The following COL24A1 variants were observed in gnomAD, a reference collection of about 807,000 sequenced individuals.
COL24A1 encodes the protein collagen type XXIV alpha 1 chain.
COL24A1 carries 224 observed loss-of-function variants against 253.9 expected under a neutral mutation model. The observed-to-expected ratio is 0.88, with a 90% CI of 0.79 to 0.99. The LOEUF is 0.99. Among genes scored for constraint, COL24A1 ranks in the 50% least tolerant of loss-of-function variants. The pLI is 0.00. For synonymous variants in COL24A1, 685 were observed against 673.7 expected (o/e 1.02, Z -0.26); for missense variants, 2,131 against 2,068.5 (o/e 1.03, Z -0.59).
chr1:85,813,761 C>T lies in COL24A1; in HGVS notation c.3951+3027G>A, dbSNP rs573516793. On this transcript the variant is annotated intron_variant, in intron 47 of 59. Transcript: ENST00000370571. Reference sequence around the variant, plus strand: ...AGAGACGGGGTTTCACCGTTTTAGCCGGGATGGTCTCGATCTCCTGACCTC... The same window carrying T: ...AGAGACGGGGTTTCACCGTTTTAGCTGGGATGGTCTCGATCTCCTGACCTC... Among the ~76,000 whole-genome samples the T allele has an allele frequency of 7.9e-5, 12 of 151,666 alleles. No individual in the cohort carries two copies. In the South Asian group the frequency reaches 1.3e-3, roughly 16 times the overall value.
At chr1:86,083,215 G>A (rs991151101) in intron 7 of COL24A1, among the ~76,000 whole-genome samples, 21 of 151,796 alleles carry the variant, frequency 1.4e-4, no homozygotes, top group East Asian at 1.9e-4. Flanking sequence ...GGAAAATGGC[G>A]TGAACTCAGA....
chr1:85,980,702 A>G (rs1693168651), intron 20 of COL24A1, among the ~76,000 whole-genome samples: 1 of 152,144 alleles, frequency 6.6e-6, no homozygotes, highest in African/African-American at 2.4e-5. Context: ...AGACCAGGAG[A>G]TCGAGACCAT....
intron 47 of COL24A1, among the ~76,000 whole-genome samples, chr1:85,801,111 A>AT (rs2101783826): frequency 6.6e-6 from 1 of 152,018 alleles, no homozygotes; most frequent in African/African-American, 2.4e-5. Context: ...CACCACATTC[A>AT]TTTTTTTCTT....
At chr1:85,885,019 G>A (rs1682311362) in intron 32 of COL24A1, among the ~76,000 whole-genome samples, 1 of 152,078 alleles carries the variant, frequency 6.6e-6, no homozygotes, top group Non-Finnish European at 1.5e-5. Flanking sequence ...CTGTCCCGGT[G>A]TGGGCTATGT....
At chr1:85,772,219 C>T (rs1415292554) in intron 53 of COL24A1, among the ~76,000 whole-genome samples, 1 of 151,994 alleles carries the variant, frequency 6.6e-6, no homozygotes, top group Admixed American at 6.6e-5. Flanking sequence ...TTCATCATCA[C>T]TGGCCATCAG....
At chr1:85,952,266 TAAAG>T (rs1381153931) in intron 24 of COL24A1, among the ~76,000 whole-genome samples, 1 of 152,162 alleles carries the variant, frequency 6.6e-6, no homozygotes, top group Non-Finnish European at 1.5e-5. Context: ...CATGCGCACA[TAAAG>T]AACAGATTTC....
chr1:85,839,176 G>A (rs1188818531), intron 42 of COL24A1, among the ~76,000 whole-genome samples: 1 of 152,140 alleles, frequency 6.6e-6, no homozygotes, highest in African/African-American at 2.4e-5. Flanking sequence ...TCCAGCCTGG[G>A]CAACAGAGTG....
At position 85,961,637 on chromosome 1, in the gene COL24A1, A is replaced by G. The variant is rs539469604; in HGVS notation, c.2518-344T>C. ...ACACTGCTATAAAGAACTACCTGAG[A>G]CTGGGTAATTTATGAAGAAAAGAGG... On this transcript the variant is annotated intron_variant, in intron 23 of 59. Coordinates refer to ENST00000370571, the MANE Select transcript of COL24A1 (RefSeq NM_152890.7). Among the ~76,000 whole-genome samples, 18 of 152,302 alleles carry G rather than the reference A, an allele frequency of 1.2e-4. No individual in the cohort carries two copies. In the Middle Eastern group the frequency reaches 0.01, roughly 86 times the overall value.
chr1:86,033,075 A>G (rs764100125), intron 13 of COL24A1, among the ~76,000 whole-genome samples: 13 of 152,184 alleles, frequency 8.5e-5, no homozygotes, highest in Non-Finnish European at 1.8e-4. Flanking sequence ...TTTATCTGCT[A>G]TGCCTTGTAA....
intron 1 of COL24A1, among the ~76,000 whole-genome samples, chr1:86,150,696 T>A (rs1009632466): frequency 1.3e-5 from 2 of 152,204 alleles, no homozygotes; most frequent in African/African-American, 4.8e-5. Context: ...GGGTATTTAA[T>A]GAATCCAAGA....
chr1:85,824,840 T>TA (rs1262960270), intron 43 of COL24A1, among the ~76,000 whole-genome samples: 1 of 152,042 alleles, frequency 6.6e-6, no homozygotes, highest in African/African-American at 2.4e-5. Context: ...AGGAAAGAGT[T>TA]ATCAGTCCCA....
chr1:85,825,197 G>A (rs1674136240), intron 43 of COL24A1, among the ~76,000 whole-genome samples: 1 of 151,396 alleles, frequency 6.6e-6, no homozygotes, highest in South Asian at 2.1e-4. Flanking sequence ...TCTTGCGATA[G>A]CTGACTGAGA....
intron 53 of COL24A1, among the ~76,000 whole-genome samples, chr1:85,771,170 G>A (rs547026062): frequency 3.9e-4 from 59 of 152,156 alleles, no homozygotes; most frequent in African/African-American, 1.3e-3. Context: ...TGTTGCATAG[G>A]TATATTCGTG....
rs138032556 is a variant in COL24A1, at chr1:85,805,289, A to G, written c.3951+11499T>C. ...AAATGGAAAGAAAGAAATACATGGA[A>G]AGAAAAATAAATGAATCTAAGGAAA... On this transcript the variant is annotated intron_variant, in intron 47 of 59. Coordinates refer to ENST00000370571, the MANE Select transcript of COL24A1 (RefSeq NM_152890.7). Among the ~76,000 whole-genome samples the G allele has an allele frequency of 2.2e-4, 33 of 152,368 alleles. 1 individual carries two copies. In the East Asian group the frequency reaches 6.4e-3, roughly 29 times the overall value.
chr1:86,012,810 TC>T lies in COL24A1; in HGVS notation c.2310+4340del, dbSNP rs201860307. Among the ~76,000 whole-genome samples, 374 of 152,272 alleles carry T rather than the reference TC, an allele frequency of 2.5e-3. 10 individuals carry two copies. The East Asian group carries it at 0.047, about 19-fold the overall frequency. ...TCTATGAGGGCATACATGATATATC[TC>T]CTGCCTACTTTTCCAACTTCATTGT... On this transcript the variant is annotated intron_variant, in intron 19 of 59. Transcript: ENST00000370571.
intron 48 of COL24A1, among the ~76,000 whole-genome samples, chr1:85,784,618 G>A (rs1224664948): frequency 3.3e-5 from 5 of 152,134 alleles, no homozygotes; most frequent in Non-Finnish European, 5.9e-5. Flanking sequence ...GAAAGAAGAG[G>A]GAAGGGGGAA....
intron 57 of COL24A1, among the ~76,000 whole-genome samples, chr1:85,743,678 A>G (rs1664884207): frequency 6.6e-6 from 1 of 152,150 alleles, no homozygotes; most frequent in African/African-American, 2.4e-5. Flanking sequence ...GTTCCTTTCA[A>G]TTCTACAGAA....
chr1:85,855,114 TC>T (rs1431352652), intron 37 of COL24A1, among the ~76,000 whole-genome samples: 1 of 152,340 alleles, frequency 6.6e-6, no homozygotes, highest in East Asian at 1.9e-4. Flanking sequence ...AAGTTGTTTA[TC>T]AGATCTAGGA....
intron 14 of COL24A1, among the ~76,000 whole-genome samples, chr1:86,026,418 G>A (rs997114916): frequency 6.6e-6 from 1 of 152,148 alleles, no homozygotes; most frequent in Admixed American, 6.5e-5. Flanking sequence ...GATCATTGGG[G>A]AGGATTCCCC....
Sources: gnomAD v4.1 joint callset for allele counts (sites outside exome capture counted in the v4.1 genomes callset) on GRCh38, gnomAD v4.1.1 for gene constraint, MANE v1.5 for transcripts, NCBI Gene and HGNC (gene_info 2026-07-23, HGNC 2026-07-21) for gene names.